The following AGBL4 variants were observed in gnomAD, a reference collection of about 807,000 sequenced individuals.
AGBL4 encodes the protein cytosolic carboxypeptidase 6.
AGBL4 carries 58 observed loss-of-function variants against 66.4 expected under a neutral mutation model. That is an observed-to-expected ratio of 0.87 (90% CI 0.71 to 1.09). The LOEUF (loss-of-function observed/expected upper bound fraction) is 1.09, where lower values mean the gene tolerates loss of function less well. AGBL4 is among the 50% of genes least tolerant of loss of function. AGBL4 has a pLI of 0.00. For synonymous variants in AGBL4, 234 were observed against 222.9 expected, an observed-to-expected ratio of 1.05 and a Z score of -0.44; for missense variants, 579 against 631.0, an observed-to-expected ratio of 0.92 and a Z score of 0.88.
chr1:49,110,128 A>C (rs969806262), intron 4 of AGBL4, among the ~76,000 whole-genome samples: 2 of 152,196 alleles, frequency 1.3e-5, no homozygotes, highest in African/African-American at 2.4e-5. Context: ...CTTGATAGCC[A>C]TCAGTCCCCT....
At chr1:49,948,070 A>G (rs1655534657) in intron 1 of AGBL4, among the ~76,000 whole-genome samples, 1 of 97,622 alleles carries the variant, frequency 1.0e-5, no homozygotes, top group South Asian at 3.0e-4. Flanking sequence ...ATGTAAATAT[A>G]TGTAAATATA....
intron 3 of AGBL4, among the ~76,000 whole-genome samples, chr1:49,685,863 G>C (rs1646778466): frequency 6.6e-6 from 1 of 152,164 alleles, no homozygotes; most frequent in Non-Finnish European, 1.5e-5. Context: ...TTACACTGCT[G>C]ATGGTGTATT....
At chr1:49,855,553 C>T (rs1375001143) in intron 1 of AGBL4, among the ~76,000 whole-genome samples, 1 of 152,096 alleles carries the variant, frequency 6.6e-6, no homozygotes, top group Non-Finnish European at 1.5e-5. Context: ...TATCAAATAT[C>T]TTGTCAGACC....
chr1:48,818,011 C>T, intron 6 of AGBL4: 1 of 711,750 alleles, frequency 1.4e-6, no homozygotes, highest in Non-Finnish European at 2.6e-6. Flanking sequence ...TGCAGTCTTA[C>T]CGGAAACATT....
intron 1 of AGBL4, among the ~76,000 whole-genome samples, chr1:49,972,188 C>A (rs1008642655): frequency 2.0e-5 from 3 of 151,732 alleles, no homozygotes; most frequent in Non-Finnish European, 4.4e-5. Context: ...GGATTACAGG[C>A]ATGAGCCACC....
At chr1:48,861,218 C>T (rs549407020) in intron 6 of AGBL4, among the ~76,000 whole-genome samples, 1 of 151,916 alleles carries the variant, frequency 6.6e-6, no homozygotes, top group Non-Finnish European at 1.5e-5. Flanking sequence ...TGCAGTAAGA[C>T]AAAAATAATA....
At chr1:48,876,412 A>G (rs368183407) in intron 5 of AGBL4, among the ~76,000 whole-genome samples, 3 of 152,168 alleles carry the variant, frequency 2.0e-5, no homozygotes, top group African/African-American at 7.2e-5. Flanking sequence ...CCAGGCATCA[A>G]GAGGCAGCGA....
At chr1:48,615,178 G>A (rs926328449) in intron 9 of AGBL4, among the ~76,000 whole-genome samples, 2 of 152,158 alleles carry the variant, frequency 1.3e-5, no homozygotes, top group Non-Finnish European at 2.9e-5. Flanking sequence ...AGAGGAACAG[G>A]CATATTAGGA....
At chr1:49,005,996 G>A (rs774352454) in intron 5 of AGBL4, among the ~76,000 whole-genome samples, 18 of 151,364 alleles carry the variant, frequency 1.2e-4, no homozygotes, top group East Asian at 7.8e-4. Context: ...GTGAGACTCC[G>A]TCTCAAAAAA....
At chr1:48,532,765 T>G (rs1189992501), downstream of AGBL4, 1 of 152,190 alleles carries the variant, frequency 6.6e-6, no homozygotes. Context: ...AAGTCAGGGT[T>G]ATATCAGTTT....
At chr1:49,070,924 T>G (rs1388466774) in intron 4 of AGBL4, among the ~76,000 whole-genome samples, 1 of 151,978 alleles carries the variant, frequency 6.6e-6, no homozygotes, top group Non-Finnish European at 1.5e-5. Flanking sequence ...TTTCAGAACC[T>G]GTTATTGGTC....
rs118046478 is a variant in AGBL4, at chr1:49,234,824, T to C, written c.377+10946A>G. ...GGTTGATCACCCTATGCATCAGGAG[T>C]AGGTAATGGAAACAGCATAGCTAAG... On this transcript the variant is annotated intron_variant, in intron 4 of 13. Transcript: ENST00000371839. Among the ~76,000 whole-genome samples, 14 of 152,038 alleles carry C rather than the reference T, an allele frequency of 9.2e-5. No homozygotes were observed. The East Asian group carries it at 2.7e-3, about 30-fold the overall frequency.
At chr1:48,967,159 C>T (rs1472909398) in intron 5 of AGBL4, among the ~76,000 whole-genome samples, 1 of 152,054 alleles carries the variant, frequency 6.6e-6, no homozygotes, top group Admixed American at 6.5e-5. Flanking sequence ...CCAAAATCCA[C>T]TGTGTTTCCT....
intron 1 of AGBL4, among the ~76,000 whole-genome samples, chr1:49,943,201 T>C (rs1654923303): frequency 6.6e-6 from 1 of 152,090 alleles, no homozygotes; most frequent in Non-Finnish European, 1.5e-5. Flanking sequence ...AAGGAAATCC[T>C]TGTGCACACT....
intron 3 of AGBL4, among the ~76,000 whole-genome samples, chr1:49,499,452 G>A (rs1381706033): frequency 1.3e-5 from 2 of 151,584 alleles, no homozygotes; most frequent in African/African-American, 4.8e-5. Flanking sequence ...TAAAATGTTG[G>A]TGCACCCACC....
intron 3 of AGBL4, among the ~76,000 whole-genome samples, chr1:49,446,133 G>A (rs1646151353): frequency 6.6e-6 from 1 of 152,146 alleles, no homozygotes; most frequent in Non-Finnish European, 1.5e-5. Flanking sequence ...TTACAGGTGT[G>A]AGCCACCATG....
chr1:48,712,479 A>T (rs1646983729), intron 6 of AGBL4, among the ~76,000 whole-genome samples: 1 of 152,180 alleles, frequency 6.6e-6, no homozygotes, highest in African/African-American at 2.4e-5. Flanking sequence ...TGTTGTTGTG[A>T]ATTAAAAGTA....
At chr1:49,075,309 T>C (rs1448091514) in intron 4 of AGBL4, among the ~76,000 whole-genome samples, 2 of 152,168 alleles carry the variant, frequency 1.3e-5, no homozygotes, top group East Asian at 1.9e-4. Flanking sequence ...AATCAATGCA[T>C]GCCATAAGGT....
At chr1:49,643,561 A>G (rs1645826512) in intron 3 of AGBL4, among the ~76,000 whole-genome samples, 1 of 151,810 alleles carries the variant, frequency 6.6e-6, no homozygotes, top group Non-Finnish European at 1.5e-5. Context: ...CAATGATTTA[A>G]AAATCTTCAG....
Sources: gnomAD v4.1 joint callset for allele counts (sites outside exome capture counted in the v4.1 genomes callset) on GRCh38, gnomAD v4.1.1 for gene constraint, MANE v1.5 for transcripts, NCBI Gene and HGNC (gene_info 2026-07-23, HGNC 2026-07-21) for gene names.